The following KCNIP4 variants were observed in gnomAD, a reference collection of about 807,000 sequenced individuals.
The protein encoded by KCNIP4 is potassium voltage-gated channel interacting protein 4, also known as Kv channel-interacting protein 4.
KCNIP4 carries 12 observed loss-of-function variants against 34.0 expected under a neutral mutation model. That is an observed-to-expected ratio of 0.35 (90% confidence interval 0.23 to 0.57). KCNIP4 has a LOEUF of 0.57. Ranked by LOEUF, KCNIP4 falls within the 20% of genes least tolerant of loss-of-function variation. The pLI, the probability that KCNIP4 is intolerant of heterozygous loss-of-function variation, is 0.83. For missense variants in KCNIP4, 238 were observed against 311.7 expected, an observed-to-expected ratio of 0.76 and a Z score of 1.78; for synonymous variants, 124 against 102.2, an observed-to-expected ratio of 1.21 and a Z score of -1.29.
chr4:21,352,754 A>T lies in KCNIP4; in HGVS notation c.62-470045T>A, dbSNP rs544961149. The stretch of plus-strand genomic sequence containing the variant: ...CTACAGACTTAAACATCCCCGTCTG[A>T]CAGCTCTGAAGAGAGCAGTGGTTCT... On this transcript the variant is annotated intron_variant, in intron 1 of 8. Transcript: ENST00000382152. 7.9e-5 allele frequency among the ~76,000 whole-genome samples: 12 copies of T among 152,336 alleles called. 1 individual carries two copies. Among genetic ancestry groups the T allele is most frequent in the African/African-American group, 2.9e-4 (12 of 41,594 alleles).
At chr4:21,486,642 C>T (rs2322965) in intron 1 of KCNIP4, among the ~76,000 whole-genome samples, 29,360 of 152,082 alleles carry the variant, frequency 0.19, 3,386 homozygotes, top group African/African-American at 0.32. Flanking sequence ...TTCCTATCAA[C>T]TATGCGATTT....
At chr4:21,538,681 C>A (rs1387896397) in intron 1 of KCNIP4, among the ~76,000 whole-genome samples, 1 of 152,120 alleles carries the variant, frequency 6.6e-6, no homozygotes, top group Admixed American at 6.6e-5. Flanking sequence ...AGAAACACAC[C>A]CTTCACATGG....
chr4:21,508,907 C>CTA (rs3083815), intron 1 of KCNIP4, among the ~76,000 whole-genome samples: 126,216 of 151,928 alleles, frequency 0.83, 52,653 homozygotes, highest in African/African-American at 0.91. Flanking sequence ...TAGTTGAGCG[C>CTA]TGTTACTTAT....
At chr4:21,407,641 T>G (rs1465425310) in intron 1 of KCNIP4, among the ~76,000 whole-genome samples, 1 of 152,194 alleles carries the variant, frequency 6.6e-6, no homozygotes, top group African/African-American at 2.4e-5. Context: ...CTAGAATTGG[T>G]ATCAGTTTAG....
intron 1 of KCNIP4, among the ~76,000 whole-genome samples, chr4:21,088,397 A>T (rs1424084270): frequency 6.6e-6 from 1 of 152,152 alleles, no homozygotes; most frequent in Non-Finnish European, 1.5e-5. Flanking sequence ...GACCTCTGCT[A>T]CTGTCTCTTG....
chr4:20,808,333 T>C (rs1213074347), intron 3 of KCNIP4, among the ~76,000 whole-genome samples: 1 of 152,146 alleles, frequency 6.6e-6, no homozygotes, highest in Non-Finnish European at 1.5e-5. Context: ...GTCCATGTGA[T>C]GCAAAAATGA....
chr4:21,368,315 A>C (rs1433720081), intron 1 of KCNIP4, among the ~76,000 whole-genome samples: 1 of 147,262 alleles, frequency 6.8e-6, no homozygotes, highest in African/African-American at 2.7e-5. Flanking sequence ...AATAAAGTTC[A>C]AATCTGTGGT....
rs1395178150 is a variant in KCNIP4, at chr4:21,424,878, T to C, written c.61+523693A>G. On this transcript the variant is annotated intron_variant, in intron 1 of 8. Transcript: ENST00000382152. ...GCCACATGTTGGAAGAAACAAAAAC[T>C]GGGTTGGACAATCCTGTCCCCAAAT... Among the ~76,000 whole-genome samples the C allele has an allele frequency of 3.3e-5, 5 of 152,334 alleles. No homozygotes were observed. In the East Asian group the frequency reaches 9.6e-4, roughly 29 times the overall value.
intron 1 of KCNIP4, among the ~76,000 whole-genome samples, chr4:20,934,730 A>G (rs1038419175): frequency 3.3e-5 from 5 of 152,220 alleles, no homozygotes; most frequent in African/African-American, 1.2e-4. Context: ...ACAGTTTATC[A>G]TATGGCTCTA....
At chr4:20,765,986 T>C (rs1369459927) in intron 3 of KCNIP4, among the ~76,000 whole-genome samples, 5 of 152,198 alleles carry the variant, frequency 3.3e-5, no homozygotes, top group African/African-American at 1.2e-4. Context: ...ACTATTGTAA[T>C]AATCAGCATA....
At chr4:21,518,572 A>C (rs1453163088) in intron 1 of KCNIP4, among the ~76,000 whole-genome samples, 1 of 152,120 alleles carries the variant, frequency 6.6e-6, no homozygotes, top group Non-Finnish European at 1.5e-5. Context: ...AAGGACCTGA[A>C]GAGGTAGGAC....
chr4:21,150,439 A>T (rs946935924), intron 1 of KCNIP4, among the ~76,000 whole-genome samples: 1 of 144,884 alleles, frequency 6.9e-6, no homozygotes, highest in Non-Finnish European at 1.5e-5. Flanking sequence ...GGCTCCCCTG[A>T]CTGTGATCTC....
intron 5 of KCNIP4, among the ~76,000 whole-genome samples, chr4:20,745,134 C>G (rs183305450): frequency 6.6e-6 from 1 of 152,186 alleles, no homozygotes; most frequent in Non-Finnish European, 1.5e-5. Flanking sequence ...CCTCTTCTTG[C>G]AGCCCTACAG....
At chr4:21,222,270 T>A (rs922252215) in intron 1 of KCNIP4, among the ~76,000 whole-genome samples, 1 of 151,762 alleles carries the variant, frequency 6.6e-6, no homozygotes, top group African/African-American at 2.4e-5. Context: ...GAGAGCAGGA[T>A]GTTCAGTAAA....
chr4:21,693,104 T>C (rs1711862444), intron 1 of KCNIP4, among the ~76,000 whole-genome samples: 1 of 94,906 alleles, frequency 1.1e-5, no homozygotes, highest in African/African-American at 4.1e-5. Flanking sequence ...TAGGATCACC[T>C]CTTCCAGACA....
intron 3 of KCNIP4, among the ~76,000 whole-genome samples, chr4:20,808,550 A>G (rs1419713214): frequency 6.6e-6 from 1 of 152,192 alleles, no homozygotes; most frequent in African/African-American, 2.4e-5. Context: ...ACAACCCTTT[A>G]CATTTTATCA....
At chr4:21,192,805 C>T (rs530913648) in intron 1 of KCNIP4, among the ~76,000 whole-genome samples, 1 of 151,778 alleles carries the variant, frequency 6.6e-6, no homozygotes, top group Non-Finnish European at 1.5e-5. Context: ...CCTGTAATCC[C>T]AGCACTTTGG....
chr4:21,547,169 A>C (rs1177813239), intron 1 of KCNIP4, among the ~76,000 whole-genome samples: 1 of 152,020 alleles, frequency 6.6e-6, no homozygotes, highest in Non-Finnish European at 1.5e-5. Context: ...TCCCAGCAGA[A>C]CCCAGTCTAG....
rs191939826 is a variant in KCNIP4, at chr4:21,624,633, A to T, written c.61+323938T>A. Among the ~76,000 whole-genome samples the T allele has an allele frequency of 4.4e-4, 67 of 152,300 alleles. 1 individual carries two copies. Among genetic ancestry groups the T allele is most frequent in the Admixed American group, 4.2e-3 (64 of 15,288 alleles). ...TTGACTCTAAAATGTCAGTGCCAAA[A>T]TCTTAGAAATAATATTCATGTTTTT... is the stretch of plus-strand genomic sequence containing the variant. On this transcript the variant is annotated intron_variant, in intron 1 of 8. Transcript: ENST00000382152.
Sources: gnomAD v4.1 joint callset for allele counts (sites outside exome capture counted in the v4.1 genomes callset) on GRCh38, gnomAD v4.1.1 for gene constraint, MANE v1.5 for transcripts, NCBI Gene and HGNC (gene_info 2026-07-23, HGNC 2026-07-21) for gene names.